PPM1B: variants seen among roughly 807,000 people sequenced by gnomAD.
PPM1B encodes the protein protein phosphatase 1B.
In PPM1B, 22 loss-of-function variants were observed where a neutral mutation model predicts 43.0. The observed-to-expected ratio is 0.51, with a 90% confidence interval of 0.37 to 0.73. PPM1B has a LOEUF of 0.73. Among genes scored for constraint, PPM1B ranks in the 30% least tolerant of loss-of-function variants. The pLI is 0.00. For synonymous variants in PPM1B, 217 were observed against 197.9 expected, an observed-to-expected ratio of 1.10 and a Z score of -0.81; for missense variants, 632 against 584.2, an observed-to-expected ratio of 1.08 and a Z score of -0.84.
chr2:44,202,076 A>G, intron 2 of PPM1B, 31 bp downstream of exon 2: 1 of 1,478,384 alleles, frequency 6.8e-7, no homozygotes, highest in Non-Finnish European at 9.0e-7. Context: ...TTAAAATAAC[A>G]TGTTAATTTT....
downstream of PPM1B, chr2:44,232,589 T>C (rs1033764467): frequency 3.8e-6 from 5 of 1,317,168 alleles, no homozygotes; most frequent in African/African-American, 6.1e-5. Flanking sequence ...TACATCTGTA[T>C]TGAACTTTCG....
At chr2:44,222,996 A>G (rs1345753850) in intron 5 of PPM1B, among the ~76,000 whole-genome samples, 1 of 151,946 alleles carries the variant, frequency 6.6e-6, no homozygotes, top group Non-Finnish European at 1.5e-5. Context: ...ACACTCGGCT[A>G]ATTTTTTGTA....
chr2:44,185,376 G>A (rs1668071105), intron 1 of PPM1B, among the ~76,000 whole-genome samples: 1 of 152,100 alleles, frequency 6.6e-6, no homozygotes, highest in South Asian at 2.1e-4. Flanking sequence ...ACTTTTCATA[G>A]GTCTGCATGT....
chr2:44,228,531 T>A (rs1670327766), intron 5 of PPM1B, among the ~76,000 whole-genome samples: 1 of 152,220 alleles, frequency 6.6e-6, no homozygotes, highest in Non-Finnish European at 1.5e-5. Context: ...AATAAAACAT[T>A]GCCATTTATT....
intron 1 of PPM1B, among the ~76,000 whole-genome samples, chr2:44,195,865 T>C (rs1283212266): frequency 6.6e-6 from 1 of 152,134 alleles, no homozygotes; most frequent in Admixed American, 6.5e-5. Context: ...CCAGGTGACA[T>C]GTAAGAAGCC....
At chr2:44,182,281 CAG>C (rs1456845526) in intron 1 of PPM1B, among the ~76,000 whole-genome samples, 2 of 151,900 alleles carry the variant, frequency 1.3e-5, no homozygotes, top group Non-Finnish European at 2.9e-5. Flanking sequence ...TTTTTTGACA[CAG>C]AGTTTTGCTC....
intron 1 of PPM1B, among the ~76,000 whole-genome samples, chr2:44,191,909 G>A (rs1668420178): frequency 6.6e-6 from 1 of 151,948 alleles, no homozygotes; most frequent in Admixed American, 6.6e-5. Flanking sequence ...GTCTCTGTAT[G>A]TGTGTGTGGT....
At chr2:44,232,645 C>T, downstream of PPM1B, 12 of 1,196,736 alleles carry the variant, frequency 1.0e-5, no homozygotes, top group Non-Finnish European at 1.1e-5. Flanking sequence ...CAACAATGTG[C>T]CTGAGGTGCA....
At chr2:44,232,747 T>C, downstream of PPM1B, 2 of 993,930 alleles carry the variant, frequency 2.0e-6, no homozygotes, top group South Asian at 4.6e-5. Flanking sequence ...GAGTAAAGAA[T>C]TGTATGATAT....
chr2:44,214,605 G>T (rs1242269194), intron 3 of PPM1B, among the ~76,000 whole-genome samples: 3 of 152,054 alleles, frequency 2.0e-5, no homozygotes, highest in African/African-American at 7.2e-5. Flanking sequence ...AGTGTCAGTG[G>T]ATGGAAAATT....
At position 44,201,104 on chromosome 2, in the gene PPM1B, G is replaced by T. The variant is rs2104126176; in HGVS notation, c.-14-82G>T. 7.4e-7 allele frequency: 1 copy of T among 1,350,710 alleles called. No homozygotes were observed. The highest frequency in any genetic ancestry group is 1.0e-6 in the Non-Finnish European group (1 of 998,556). 83.7% of individuals were successfully genotyped at this position (1,350,710 alleles called of 1,614,324 possible). On this transcript the variant is annotated intron_variant, in intron 1 of 5. Coordinates refer to ENST00000282412, the MANE Select transcript of PPM1B (RefSeq NM_002706.6). This position sits in a 1 kb window ranked among gnomAD's most constrained non-coding sequence, Gnocchi z 5.4. ...ATACTAAAAAAAATACTTGAGGTAG[G>T]AGTTACTAGACTATAGAGGGAATAT... is the stretch of plus-strand genomic sequence containing the variant.
At chr2:44,232,798 C>G (rs1670505448), downstream of PPM1B, 3 of 984,156 alleles carry the variant, frequency 3.0e-6, no homozygotes, top group South Asian at 4.7e-5. Flanking sequence ...CCTTTTGCAG[C>G]TCTGTGGCTT....
At chr2:44,195,385 T>A (rs572037340) in intron 1 of PPM1B, among the ~76,000 whole-genome samples, 2 of 152,038 alleles carry the variant, frequency 1.3e-5, no homozygotes, top group Admixed American at 6.6e-5. Context: ...TTTCCCCAAT[T>A]TTTTTTGGTA....
At chr2:44,195,372 A>G (rs2104096857) in intron 1 of PPM1B, among the ~76,000 whole-genome samples, 1 of 151,410 alleles carries the variant, frequency 6.6e-6, no homozygotes, top group Non-Finnish European at 1.5e-5. Context: ...CTAGGCTAAT[A>G]TTTTTCCCCA....
intron 1 of PPM1B, among the ~76,000 whole-genome samples, chr2:44,179,901 C>G (rs188185655): frequency 1.3e-5 from 2 of 150,712 alleles, no homozygotes; most frequent in Non-Finnish European, 2.9e-5. Flanking sequence ...CCCAGCTACT[C>G]AGGAGGCTGA....
chr2:44,244,836 T>C (rs181479547), downstream of PPM1B, among the ~76,000 whole-genome samples: 1 of 147,428 alleles, frequency 6.8e-6, no homozygotes, highest in Non-Finnish European at 1.5e-5. Flanking sequence ...TATATATATA[T>C]ATACACACAC....
In PPM1B at chr2:44,241,857, C is replaced by CT. The variant is rs397984437; in HGVS notation, n.1547-2352dup. ...GTTATAATAAGTATTAGAAAATAAT[C>CT]TTTTTTTTTTTTTTTTTTTGAGACG... is the stretch of plus-strand genomic sequence containing the variant. On this transcript the variant is annotated intron_variant and non_coding_transcript_variant, in intron 5 of 5. Coordinates refer to the PPM1B transcript ENST00000378540. 1.6e-4 allele frequency among the ~76,000 whole-genome samples: 15 copies of CT among 90,948 alleles called. 1 individual carries two copies. The highest frequency in any genetic ancestry group is 0.017 in the Middle Eastern group (1 of 58). The allele number at this position is 90,948 out of a possible 152,430, so 59.7% of individuals were successfully genotyped here. A position where few individuals can be genotyped will look rare whatever the true frequency, so the allele number is the denominator to read the frequency against.
chr2:44,227,917 C>CT (rs1670291685), intron 5 of PPM1B, among the ~76,000 whole-genome samples: 5 of 106,728 alleles, frequency 4.7e-5, no homozygotes, highest in Non-Finnish European at 1.0e-4. Context: ...TTTTCTTTTT[C>CT]TTTTCTTTTT....
intron 1 of PPM1B, among the ~76,000 whole-genome samples, chr2:44,198,638 G>C (rs1016613607): frequency 2.6e-5 from 4 of 152,138 alleles, no homozygotes; most frequent in Admixed American, 6.6e-5. Context: ...AGATAAAAGC[G>C]TAACATAATG....
Sources: gnomAD v4.1 joint callset for allele counts (sites outside exome capture counted in the v4.1 genomes callset) on GRCh38, gnomAD v4.1.1 for gene constraint, Gnocchi (gnomAD v3.1) non-coding constraint, MANE v1.5 for transcripts, NCBI Gene and HGNC (gene_info 2026-07-23, HGNC 2026-07-21) for gene names.